ARIH2: variants seen among roughly 807,000 people sequenced by gnomAD.
The protein encoded by ARIH2 is E3 ubiquitin-protein ligase ARIH2.
ARIH2 carries 12 observed loss-of-function variants against 79.8 expected under a neutral mutation model. That is an observed-to-expected ratio of 0.15 (90% confidence interval 0.10 to 0.24). ARIH2 has a LOEUF of 0.24. Ranked by LOEUF, ARIH2 falls within the 10% of genes least tolerant of loss-of-function variation. ARIH2 has a pLI of 1.00. For synonymous variants in ARIH2, 224 were observed against 213.9 expected (o/e 1.05, Z -0.41); for missense variants, 301 against 618.3 (o/e 0.49, Z 5.44).
intron 3 of ARIH2, chr3:48,945,269 T>A (rs934242469): frequency 8.4e-7 from 1 of 1,192,050 alleles, no homozygotes. Context: ...GCTATGTTGT[T>A]AACTTGTCCT....
intron 4 of ARIH2, among the ~76,000 whole-genome samples, chr3:48,962,659 T>C (rs994075659): frequency 1.3e-5 from 2 of 152,140 alleles, no homozygotes; most frequent in Admixed American, 1.3e-4. Context: ...CTCTTTGTTG[T>C]GGGGGGCCTG....
chr3:48,978,865 G>T (rs1320644905), intron 11 of ARIH2, among the ~76,000 whole-genome samples: 1 of 151,778 alleles, frequency 6.6e-6, no homozygotes, highest in Non-Finnish European at 1.5e-5. Context: ...GGAGGCTGAG[G>T]CAAGAGAATC....
chr3:48,943,257 C>G (rs2088604651), intron 3 of ARIH2: 1 of 152,200 alleles, frequency 6.6e-6, no homozygotes, highest in Admixed American at 6.5e-5. Flanking sequence ...GTTCCTCTCC[C>G]TAACTCATAT....
In ARIH2 at chr3:48,918,882, C is replaced by T. The variant is rs775734914; in HGVS notation, c.-278C>T. 64 of 1,607,892 alleles carry T rather than the reference C, an allele frequency of 4.0e-5. 1 individual carries two copies. The Admixed American group carries it at 1.1e-3, about 27-fold the overall frequency. On this transcript the variant is annotated 5_prime_UTR_variant, in exon 1 of 16. Transcript: ENST00000356401. ...ACTCTTCTGGAGGAAGCAGCGCGGG[C>T]TTGACCGGCGTCGGCCCGCCGCCTC...
intron 2 of ARIH2, among the ~76,000 whole-genome samples, chr3:48,925,585 T>G (rs764364240): frequency 3.3e-5 from 5 of 151,780 alleles, no homozygotes; most frequent in Non-Finnish European, 4.4e-5. Flanking sequence ...TGGTTGGTTG[T>G]TTTTTTTCAG....
chr3:48,945,837 A>C (rs1208096829), intron 3 of ARIH2, among the ~76,000 whole-genome samples: 3 of 152,186 alleles, frequency 2.0e-5, no homozygotes, highest in Non-Finnish European at 2.9e-5. Flanking sequence ...CTGAAACAGA[A>C]GTAGGGCAGC....
At chr3:48,974,173 C>G (rs2092388924) in intron 9 of ARIH2, among the ~76,000 whole-genome samples, 1 of 152,180 alleles carries the variant, frequency 6.6e-6, no homozygotes, top group East Asian at 1.9e-4. Flanking sequence ...AATGCAAGCC[C>G]AGACCTGCAC....
At chr3:48,924,531 T>G (rs191500783) in intron 2 of ARIH2, among the ~76,000 whole-genome samples, 82 of 152,074 alleles carry the variant, frequency 5.4e-4, no homozygotes, top group African/African-American at 1.5e-3. Context: ...TGTTTATTTT[T>G]TGTGTGTGTG....
chr3:48,979,047 C>T (rs1351140522), intron 11 of ARIH2, among the ~76,000 whole-genome samples: 1 of 151,864 alleles, frequency 6.6e-6, no homozygotes, highest in East Asian at 1.9e-4. Flanking sequence ...GTTTCATATA[C>T]AAAAATCTTT....
intron 3 of ARIH2, among the ~76,000 whole-genome samples, chr3:48,939,757 C>CAAAAAAAAAAAAAAAAAAAAAAAAAAA (rs1190260583): frequency 9.2e-5 from 4 of 43,510 alleles, no homozygotes; most frequent in East Asian, 1.1e-3. Context: ...GACTCCATCT[C>CAAAAAAAAAAAAAAAAAAAAAAAAAAA]AAAAAAAAAA....
chr3:48,972,270 A>G (rs557503298), intron 8 of ARIH2, among the ~76,000 whole-genome samples: 2 of 152,170 alleles, frequency 1.3e-5, no homozygotes, highest in East Asian at 3.9e-4. Flanking sequence ...CCTGGGATGA[A>G]GTGATCCTTC....
intron 11 of ARIH2, among the ~76,000 whole-genome samples, chr3:48,976,202 G>A (rs1290672564): frequency 6.7e-6 from 1 of 149,810 alleles, no homozygotes; most frequent in African/African-American, 2.5e-5. Flanking sequence ...ATGAGCCACC[G>A]AGCCTGTACT....
chr3:48,949,370 G>A (rs1485139052), intron 3 of ARIH2, among the ~76,000 whole-genome samples: 1 of 152,136 alleles, frequency 6.6e-6, no homozygotes, highest in African/African-American at 2.4e-5. Context: ...CGCCTGCCTT[G>A]GCCTGGGATT....
intron 2 of ARIH2, among the ~76,000 whole-genome samples, chr3:48,926,242 CGTGTGTGT>C (rs34080246): frequency 2.7e-5 from 4 of 148,062 alleles, no homozygotes; most frequent in African/African-American, 9.9e-5. Flanking sequence ...GAGTTTCCCT[CGTGTGTGT>C]GTGTGTGTGT....
rs753199645 is a variant in ARIH2 at position 48,970,569 on chromosome 3, A to G, written c.661-26A>G. ...TAGACAGCAACTAAGAGATGTCCTC[A>G]TTGTTTCCTCTTGGTGTGTTCACAG... is the stretch of plus-strand genomic sequence containing the variant. On this transcript the variant is annotated intron_variant, in intron 7 of 15. Transcript: ENST00000356401. 5.3e-6 allele frequency: 8 copies of G among 1,505,250 alleles called. No homozygotes were observed. In the Admixed American group the frequency reaches 1.0e-4, roughly 19 times the overall value. The allele number at this position is 1,505,250 out of a possible 1,614,324, so 93.2% of individuals were successfully genotyped here. A position where few individuals can be genotyped will look rare whatever the true frequency, so the allele number is the denominator to read the frequency against.
chr3:48,985,817 A>G lies in ARIH2; in HGVS notation c.*2547A>G, dbSNP rs2092889413. On this transcript the variant is annotated 3_prime_UTR_variant, in exon 16 of 16. Transcript: ENST00000356401. The stretch of plus-strand genomic sequence containing the variant: ...CTGAATCATTCCCCACCACAGATAG[A>G]TCCCAGGGTTGTGGTAGAGTACTGA... 1 of 152,150 alleles carries G rather than the reference A, an allele frequency of 6.6e-6. No homozygotes were observed. Among genetic ancestry groups the G allele is most frequent in the Non-Finnish European group, 1.5e-5 (1 of 68,066 alleles). The allele number at this position is 152,150 out of a possible 1,614,324, so 9.4% of individuals were successfully genotyped here. A position where few individuals can be genotyped will look rare whatever the true frequency, so the allele number is the denominator to read the frequency against.
At chr3:48,926,659 T>G (rs571599877) in intron 2 of ARIH2, 53 of 152,342 alleles carry the variant, frequency 3.5e-4, no homozygotes, top group African/African-American at 1.3e-3. Context: ...AAAGTGATTC[T>G]CCTGCCTCAG....
intron 3 of ARIH2, among the ~76,000 whole-genome samples, chr3:48,956,473 T>TTTTA (rs2090594538): frequency 7.9e-6 from 1 of 126,940 alleles, no homozygotes; most frequent in African/African-American, 3.1e-5. Flanking sequence ...TTTTTTTTTT[T>TTTTA]AAGAGACAGG....
intron 3 of ARIH2, among the ~76,000 whole-genome samples, chr3:48,928,439 C>T (rs1042899591): frequency 9.9e-5 from 15 of 152,124 alleles, no homozygotes; most frequent in African/African-American, 3.6e-4. Context: ...GTACCTTAGG[C>T]CAGTTATTAT....
Sources: gnomAD v4.1 joint callset for allele counts (sites outside exome capture counted in the v4.1 genomes callset) on GRCh38, gnomAD v4.1.1 for gene constraint, MANE v1.5 for transcripts, NCBI Gene and HGNC (gene_info 2026-07-23, HGNC 2026-07-21) for gene names.